Variants in GALNT1 observed in about 807,000 individuals in gnomAD.
GALNT1 encodes polypeptide N-acetylgalactosaminyltransferase 1.
Under a neutral mutation model 65.7 loss-of-function variants are expected in GALNT1, and 17 were observed. The ratio of observed to expected loss-of-function variants is 0.26; its 90% CI spans 0.18 to 0.39. The LOEUF (loss-of-function observed/expected upper bound fraction) is 0.39. GALNT1 is among the 10% of genes least tolerant of loss of function. The pLI, the probability that GALNT1 is intolerant of heterozygous loss-of-function variation, is 1.00. For missense variants in GALNT1, 460 were observed against 672.8 expected (o/e 0.68, Z 3.50); for synonymous variants, 210 against 219.7 (o/e 0.96, Z 0.39).
chr18:35,631,972 C>T (rs2047018487), intron 1 of GALNT1, among the ~76,000 whole-genome samples: 1 of 152,090 alleles, frequency 6.6e-6, no homozygotes, highest in African/African-American at 2.4e-5. Flanking sequence ...GAATAAAATA[C>T]CTAGGAATCC....
intron 1 of GALNT1, among the ~76,000 whole-genome samples, chr18:35,631,659 C>T (rs1187336767): frequency 6.6e-6 from 1 of 152,048 alleles, no homozygotes; most frequent in Non-Finnish European, 1.5e-5. Flanking sequence ...GACAGGGATG[C>T]CCTCTCTCAC....
chr18:35,689,251 G>T lies in GALNT1; in HGVS notation c.939G>T (p.Met313Ile). 1.9e-6 allele frequency: 3 copies of T among 1,608,618 alleles called. No individual in the cohort carries two copies. The highest frequency in any genetic ancestry group is 2.5e-6 in the Non-Finnish European group (3 of 1,178,234). ...AAATTGGAACATATGATGCTGGAAT[G>T]GATATTTGGGGAGGAGAAAACCTAG... Reference protein sequence around the residue: ...FQEIGTYDAGMDIWGGENLEI... With the variant: ...FQEIGTYDAGIDIWGGENLEI... Residue 313 changes from methionine (M) to isoleucine (I), a missense_variant, in exon 7 of 12, where the codon ATG becomes ATT. Met to Ile is a conservative substitution (Grantham distance 10, BLOSUM62 1). Transcript: ENST00000269195.
At chr18:35,618,733 TTTTG>T (rs1241560310) in intron 1 of GALNT1, among the ~76,000 whole-genome samples, 11 of 152,124 alleles carry the variant, frequency 7.2e-5, no homozygotes, top group South Asian at 2.1e-4. Context: ...ACTGCACTGT[TTTTG>T]TTTGTTTGTT....
Position 35,616,367 on chromosome 18 carries a change from C to T in GALNT1, c.-104+34505C>T, listed in dbSNP as rs193061048. Among the ~76,000 whole-genome samples, 33 of 152,230 alleles carry T rather than the reference C, an allele frequency of 2.2e-4. No individual in the cohort carries two copies. The East Asian group carries it at 6.4e-3, about 29-fold the overall frequency. ...GGTGTGCATAATAGTACCTGGCTTA[C>T]TGGGTTGTTGGGAGTATTGTTATAC... is the stretch of plus-strand genomic sequence containing the variant. On this transcript the variant is annotated intron_variant, in intron 1 of 11. Transcript: ENST00000269195.
chr18:35,664,896 A>G lies in GALNT1; in HGVS notation c.314+1094A>G, dbSNP rs1382915273. Among the ~76,000 whole-genome samples, 5 of 152,362 alleles carry G rather than the reference A, an allele frequency of 3.3e-5. No homozygotes were observed. The South Asian group carries it at 1.0e-3, about 32-fold the overall frequency. On this transcript the variant is annotated intron_variant, in intron 3 of 11. Transcript: ENST00000269195. ...TTTCTCATCAGAATTGGATAGGCCT[A>G]GAGAGAAGGGTAAGTACCTAGTGTG...
At chr18:35,701,373 T>G (rs2048160968) in intron 9 of GALNT1, among the ~76,000 whole-genome samples, 1 of 152,364 alleles carries the variant, frequency 6.6e-6, no homozygotes, top group Non-Finnish European at 1.5e-5. Flanking sequence ...TGGCCCAATC[T>G]GAGCGAAATT....
At chr18:35,593,004 G>C (rs2046462949) in intron 1 of GALNT1, among the ~76,000 whole-genome samples, 1 of 152,162 alleles carries the variant, frequency 6.6e-6, no homozygotes, top group Non-Finnish European at 1.5e-5. Context: ...TACTGAGGTT[G>C]TTTTCCTGTT....
intron 6 of GALNT1, among the ~76,000 whole-genome samples, chr18:35,688,157 C>A (rs1215415161): frequency 1.3e-5 from 2 of 152,156 alleles, no homozygotes; most frequent in African/African-American, 4.8e-5. Context: ...CATGTACATG[C>A]AGAAGATTTA....
At chr18:35,627,635 C>G (rs1598787727) in intron 1 of GALNT1, among the ~76,000 whole-genome samples, 1 of 152,244 alleles carries the variant, frequency 6.6e-6, no homozygotes, top group East Asian at 1.9e-4. Flanking sequence ...CAGTCTACAG[C>G]TCCCAGTGTG....
chr18:35,594,855 T>G (rs1269464470), intron 1 of GALNT1, among the ~76,000 whole-genome samples: 1 of 152,088 alleles, frequency 6.6e-6, no homozygotes, highest in East Asian at 1.9e-4. Context: ...GAAGAGTAGT[T>G]TAAGGTATAG....
intron 11 of GALNT1, among the ~76,000 whole-genome samples, chr18:35,706,715 C>T (rs1489140488): frequency 6.6e-6 from 1 of 152,112 alleles, no homozygotes; most frequent in Non-Finnish European, 1.5e-5. Context: ...GAATACCTCC[C>T]TCTCCCTGGG....
At chr18:35,618,360 T>C (rs1173529246) in intron 1 of GALNT1, among the ~76,000 whole-genome samples, 1 of 152,176 alleles carries the variant, frequency 6.6e-6, no homozygotes, top group Non-Finnish European at 1.5e-5. Context: ...AGAAGGAAGC[T>C]TGAGACTAGA....
intron 9 of GALNT1, among the ~76,000 whole-genome samples, chr18:35,694,735 T>C (rs2048026802): frequency 6.6e-6 from 1 of 152,150 alleles, no homozygotes; most frequent in African/African-American, 2.4e-5. Flanking sequence ...CAAAATTGGG[T>C]CAGTTCAAAG....
In GALNT1 at chr18:35,650,981, T is replaced by G. The variant is rs550245963; in HGVS notation, c.-103-3579T>G. 9.4e-4 allele frequency among the ~76,000 whole-genome samples: 143 copies of G among 152,326 alleles called. 1 individual carries two copies. The highest frequency in any genetic ancestry group is 3.0e-3 in the African/African-American group (124 of 41,576). On this transcript the variant is annotated intron_variant, in intron 1 of 11. Transcript: ENST00000269195. Reference sequence around the variant, plus strand: ...AAGTGTCCAAGAAATCTTCACAATTTGTTCAGAGATTGCAGTAAAGACAGG... The same window carrying G: ...AAGTGTCCAAGAAATCTTCACAATTGGTTCAGAGATTGCAGTAAAGACAGG...
chr18:35,585,356 A>G (rs1337667483), intron 1 of GALNT1, among the ~76,000 whole-genome samples: 1 of 152,098 alleles, frequency 6.6e-6, no homozygotes, highest in Non-Finnish European at 1.5e-5. Context: ...TGTTTTTCAT[A>G]GATTTGCTCA....
chr18:35,710,897 C>T lies in GALNT1; in HGVS notation c.*1127C>T, dbSNP rs946601038. 2.6e-5 allele frequency: 4 copies of T among 152,574 alleles called. No homozygotes were observed. Among genetic ancestry groups the T allele is most frequent in the Admixed American group, 6.5e-5 (1 of 15,270 alleles). 9.5% of individuals were successfully genotyped at this position (152,574 alleles called of 1,614,324 possible). On this transcript the variant is annotated 3_prime_UTR_variant, in exon 12 of 12. Coordinates refer to ENST00000269195, the MANE Select transcript of GALNT1 (RefSeq NM_020474.4). ...TGGAAAACCTTTTTCACTCCATACT[C>T]AGATATGCTTCATTGTCAAATGCAT...
In GALNT1 at chr18:35,709,721, G is replaced by A. The variant is rs745396196; in HGVS notation, c.1631G>A (p.Arg544Gln). The change falls in exon 12 of 12, where the codon CGG (arginine) becomes CAG (glutamine). Residue 544 changes from arginine (R) to glutamine (Q), a missense_variant. Coordinates refer to ENST00000269195, the MANE Select transcript of GALNT1 (RefSeq NM_020474.4). ...AGCATTAGAGACTGCAATGGAAGTC[G>A]GTCCCAGCAGTGGCTTCTTCGAAAC... Reference protein sequence around the residue: ...VPSIRDCNGSRSQQWLLRNVT... With the variant: ...VPSIRDCNGSQSQQWLLRNVT... 1.3e-5 allele frequency: 21 copies of A among 1,613,886 alleles called. No homozygotes were observed. Among genetic ancestry groups the A allele is most frequent in the Middle Eastern group, 1.6e-4 (1 of 6,062 alleles).
chr18:35,647,926 A>G (rs2047252424), intron 1 of GALNT1, among the ~76,000 whole-genome samples: 1 of 152,008 alleles, frequency 6.6e-6, no homozygotes, highest in Admixed American at 6.6e-5. Flanking sequence ...GCGTGCCTGT[A>G]ATCCCAGCAG....
Position 35,698,054 on chromosome 18 carries a change from A to G in GALNT1, c.1300-4843A>G, listed in dbSNP as rs372645416. On this transcript the variant is annotated intron_variant, in intron 9 of 11. Coordinates refer to ENST00000269195, the MANE Select transcript of GALNT1 (RefSeq NM_020474.4). ...GCCAATGGTGTGAGAACTTGGGTTT[A>G]TTAGCATGTTGTGCAACTTTTCCCA... 4.6e-5 allele frequency among the ~76,000 whole-genome samples: 7 copies of G among 152,326 alleles called. No homozygotes were observed. In the South Asian group the frequency reaches 8.3e-4, roughly 18 times the overall value.
Sources: gnomAD v4.1 joint callset for allele counts (sites outside exome capture counted in the v4.1 genomes callset) on GRCh38, gnomAD v4.1.1 for gene constraint, MANE v1.5 for transcripts, NCBI Gene and HGNC (gene_info 2026-07-23, HGNC 2026-07-21) for gene names.